The following BMPR1B variants were observed in gnomAD, a reference collection of about 807,000 sequenced individuals.
BMPR1B encodes the protein bone morphogenetic protein receptor type-1B.
In BMPR1B, 12 loss-of-function variants were observed where a neutral mutation model predicts 59.1. The observed-to-expected ratio is 0.20, with a 90% confidence interval of 0.13 to 0.33. The LOEUF (loss-of-function observed/expected upper bound fraction) is 0.33. BMPR1B is among the 10% of genes least tolerant of loss of function. The pLI is 1.00. For synonymous variants in BMPR1B, 237 were observed against 207.3 expected (o/e 1.14, Z -1.23); for missense variants, 550 against 610.9 (o/e 0.90, Z 1.05).
intron 4 of BMPR1B, among the ~76,000 whole-genome samples, chr4:95,108,176 T>A (rs761184069): frequency 6.6e-6 from 1 of 152,086 alleles, no homozygotes; most frequent in Non-Finnish European, 1.5e-5. Flanking sequence ...ATTTGTTCCT[T>A]TAGATTGCTA....
chr4:95,020,036 G>C (rs1723860370), intron 3 of BMPR1B, among the ~76,000 whole-genome samples: 1 of 152,062 alleles, frequency 6.6e-6, no homozygotes, highest in Non-Finnish European at 1.5e-5. Flanking sequence ...TAATAATAAA[G>C]TTTGATTATA....
chr4:95,148,648 T>G, intron 10 of BMPR1B, 100 bp from the exon 11 acceptor site: 1 of 1,250,940 alleles, frequency 8.0e-7, no homozygotes, highest in Non-Finnish European at 1.2e-6. Context: ...GTTTTTCTTT[T>G]CCACTTTTCA....
At chr4:94,768,216 G>GT (rs997122300) in intron 1 of BMPR1B, among the ~76,000 whole-genome samples, 1 of 151,920 alleles carries the variant, frequency 6.6e-6, no homozygotes, top group African/African-American at 2.4e-5. Context: ...CAATTTTCAA[G>GT]TTTTTTAGCT....
chr4:94,816,341 T>C (rs1020710670), intron 1 of BMPR1B, among the ~76,000 whole-genome samples: 5 of 152,118 alleles, frequency 3.3e-5, no homozygotes, highest in African/African-American at 9.7e-5. Context: ...TTCTTTTTTG[T>C]ATTTTTAGTA....
intron 3 of BMPR1B, among the ~76,000 whole-genome samples, chr4:95,039,192 C>T (rs1041013951): frequency 6.6e-6 from 1 of 152,132 alleles, no homozygotes; most frequent in African/African-American, 2.4e-5. Context: ...TATCTGATAT[C>T]GTGATCACTA....
chr4:94,978,949 TACACACACACACAC>T (rs10649707), intron 2 of BMPR1B, among the ~76,000 whole-genome samples: 1 of 147,696 alleles, frequency 6.8e-6, no homozygotes, highest in Non-Finnish European at 1.5e-5. Context: ...CACACATACA[TACACACACACACAC>T]ACACACACAC....
intron 6 of BMPR1B, among the ~76,000 whole-genome samples, chr4:95,120,541 C>A (rs979170415): frequency 1.3e-5 from 2 of 152,038 alleles, no homozygotes; most frequent in African/African-American, 4.8e-5. Context: ...ACTACTAGAA[C>A]TGATAAACGA....
chr4:95,140,291 A>G (rs571292312), intron 10 of BMPR1B, among the ~76,000 whole-genome samples: 120 of 152,176 alleles, frequency 7.9e-4, no homozygotes, highest in Non-Finnish European at 1.0e-3. Context: ...AAATGATTCC[A>G]TATGGAACAC....
intron 2 of BMPR1B, among the ~76,000 whole-genome samples, chr4:94,940,453 A>G (rs952307727): frequency 6.6e-6 from 1 of 152,210 alleles, no homozygotes; most frequent in African/African-American, 2.4e-5. Flanking sequence ...TCAGTATGAC[A>G]CAGTCCTTGG....
At chr4:94,795,273 A>G (rs1723142525) in intron 1 of BMPR1B, among the ~76,000 whole-genome samples, 1 of 146,152 alleles carries the variant, frequency 6.8e-6, no homozygotes. Context: ...ATCTATTGAG[A>G]TAATCATGTG....
intron 3 of BMPR1B, among the ~76,000 whole-genome samples, chr4:95,097,053 GTATA>G: frequency 7.0e-6 from 1 of 143,530 alleles, no homozygotes; most frequent in East Asian, 2.0e-4. Flanking sequence ...ATACATAACT[GTATA>G]TAGTTATATA....
intron 1 of BMPR1B, among the ~76,000 whole-genome samples, chr4:94,773,114 C>A (rs775899794): frequency 1.3e-5 from 2 of 152,116 alleles, no homozygotes; most frequent in East Asian, 1.9e-4. Context: ...CATTTTACAT[C>A]TGTTCTCTTT....
chr4:94,824,836 G>A (rs1189231305), intron 1 of BMPR1B, among the ~76,000 whole-genome samples: 1 of 152,036 alleles, frequency 6.6e-6, no homozygotes, highest in Non-Finnish European at 1.5e-5. Context: ...TATATATAGT[G>A]TTCAAATTAT....
chr4:94,981,789 C>A (rs1721101064), intron 2 of BMPR1B, among the ~76,000 whole-genome samples: 1 of 152,152 alleles, frequency 6.6e-6, no homozygotes, highest in Admixed American at 6.5e-5. Context: ...TTAAAATCAT[C>A]ATGTAAACCC....
rs1383970744 is a variant in BMPR1B at position 95,026,248 on chromosome 4, A to G, written c.-18+30114A>G. Among the ~76,000 whole-genome samples, 3 of 151,712 alleles carry G rather than the reference A, an allele frequency of 2.0e-5. No individual in the cohort carries two copies. The East Asian group carries it at 5.8e-4, about 29-fold the overall frequency. ...TCTTTTAATTTATAACATTTTAATC[A>G]TGTATGTGACTTACTTGATTCTGAA... On this transcript the variant is annotated intron_variant, in intron 3 of 12. Transcript: ENST00000515059.
rs979234261 is a variant in BMPR1B, at chr4:94,874,151, GTA to G, written c.-182-1678_-182-1677del. Among the ~76,000 whole-genome samples the G allele has an allele frequency of 1.2e-4, 19 of 152,216 alleles. 1 individual carries two copies. In the South Asian group the frequency reaches 2.7e-3, roughly 22 times the overall value. On this transcript the variant is annotated intron_variant, in intron 1 of 12. Transcript: ENST00000515059. ...TATATATATGTGTGTATATATATGT[GTA>G]TGTGTGTGTATATATATACATACCA...
At chr4:95,059,261 T>A (rs1331768795) in intron 3 of BMPR1B, among the ~76,000 whole-genome samples, 1 of 152,214 alleles carries the variant, frequency 6.6e-6, no homozygotes, top group Admixed American at 6.5e-5. Flanking sequence ...TGCCTTTTTC[T>A]TCACACACTT....
intron 4 of BMPR1B, among the ~76,000 whole-genome samples, chr4:95,110,035 G>A (rs1419099778): frequency 6.6e-6 from 1 of 151,796 alleles, no homozygotes; most frequent in Non-Finnish European, 1.5e-5. Context: ...CCTCTCATTA[G>A]TCATCAATGA....
At chr4:94,783,831 T>G (rs1722669784) in intron 1 of BMPR1B, among the ~76,000 whole-genome samples, 1 of 152,152 alleles carries the variant, frequency 6.6e-6, no homozygotes, top group South Asian at 2.1e-4. Flanking sequence ...TCACCAGGAA[T>G]GTAGCCGTTG....
Sources: gnomAD v4.1 joint callset for allele counts (sites outside exome capture counted in the v4.1 genomes callset) on GRCh38, gnomAD v4.1.1 for gene constraint, MANE v1.5 for transcripts, NCBI Gene and HGNC (gene_info 2026-07-23, HGNC 2026-07-21) for gene names.